ATG7: variants seen among roughly 807,000 people sequenced by gnomAD.
The protein encoded by ATG7 is ubiquitin-like modifier-activating enzyme ATG7.
Under a neutral mutation model 82.4 loss-of-function variants are expected in ATG7, and 70 were observed. The ratio of observed to expected loss-of-function variants is 0.85; its 90% CI spans 0.70 to 1.04. The LOEUF (loss-of-function observed/expected upper bound fraction) is 1.04, where lower values mean the gene tolerates loss of function less well. ATG7 is among the 50% of genes least tolerant of loss of function. The pLI is 0.00. For synonymous variants in ATG7, 287 were observed against 313.0 expected, an observed-to-expected ratio of 0.92 and a Z score of 0.88; for missense variants, 792 against 864.3, an observed-to-expected ratio of 0.92 and a Z score of 1.05.
At chr3:11,442,739 C>CAAAAAAAAAA (rs57073881) in intron 20 of ATG7, among the ~76,000 whole-genome samples, 3 of 69,250 alleles carry the variant, frequency 4.3e-5, no homozygotes, top group Non-Finnish European at 7.5e-5. Flanking sequence ...TCCATCTCTA[C>CAAAAAAAAAA]AAAAAAAAAA....
chr3:11,368,843 A>C (rs1006886830), intron 18 of ATG7, among the ~76,000 whole-genome samples: 1 of 151,038 alleles, frequency 6.6e-6, no homozygotes, highest in Non-Finnish European at 1.5e-5. Context: ...CAAGCAGTTC[A>C]CATCTTTTGT....
intron 19 of ATG7, among the ~76,000 whole-genome samples, chr3:11,390,654 C>A (rs906667474): frequency 9.6e-5 from 13 of 135,994 alleles, no homozygotes; most frequent in Admixed American, 3.3e-4. Flanking sequence ...AACTTTTTGA[C>A]CTTTGTGGGT....
intron 9 of ATG7, among the ~76,000 whole-genome samples, chr3:11,322,833 T>C (rs1379675257): frequency 6.6e-6 from 1 of 152,256 alleles, no homozygotes; most frequent in East Asian, 1.9e-4. Context: ...GCGTGGTGGC[T>C]CACGCCTGTA....
Position 11,555,166 on chromosome 3 carries a change from G to A in ATG7, c.*323G>A. Reference sequence around the variant, plus strand: ...GATCCTTTCCCCTTGGCCCTGAGGGGGTGACCCAACACAGACCAAATGGGG... The same window carrying A: ...GATCCTTTCCCCTTGGCCCTGAGGGAGTGACCCAACACAGACCAAATGGGG... On this transcript the variant is annotated 3_prime_UTR_variant, in exon 21 of 21. Transcript: ENST00000693202. The A allele has an allele frequency of 2.6e-6, 1 of 378,104 alleles. No homozygotes were observed. Among genetic ancestry groups the A allele is most frequent in the Non-Finnish European group, 4.8e-6 (1 of 209,026 alleles). The allele number at this position is 378,104 out of a possible 1,614,324, so 23.4% of individuals were successfully genotyped here.
intron 1 of ATG7, among the ~76,000 whole-genome samples, chr3:11,277,973 T>A (rs1174419110): frequency 6.9e-6 from 1 of 145,660 alleles, no homozygotes; most frequent in Non-Finnish European, 1.5e-5. Context: ...AATTTAGTGA[T>A]ATCTTCCCTA....
Position 11,363,305 on chromosome 3 carries a change from C to G in ATG7, c.1799+377C>G, listed in dbSNP as rs567035649. ...TTGCCCAGGCTGGAGTGTAATGGCA[C>G]GATTTTGGCTCACTGCAACCTCTGC... On this transcript the variant is annotated intron_variant, in intron 17 of 20. Transcript: ENST00000693202. Among the ~76,000 whole-genome samples, 7 of 151,538 alleles carry G rather than the reference C, an allele frequency of 4.6e-5. No homozygotes were observed. The East Asian group carries it at 1.4e-3, about 29-fold the overall frequency.
chr3:11,554,182 C>T (rs759609451), intron 20 of ATG7, among the ~76,000 whole-genome samples: 4 of 152,242 alleles, frequency 2.6e-5, no homozygotes, highest in African/African-American at 7.2e-5. Context: ...AGGTTCACTG[C>T]GAGGCTCAGA....
chr3:11,534,431 C>A (rs954995511), intron 20 of ATG7, among the ~76,000 whole-genome samples: 13 of 152,252 alleles, frequency 8.5e-5, no homozygotes, highest in African/African-American at 3.1e-4. Flanking sequence ...GTCCTCACAT[C>A]TTCTGCTCAC....
intron 3 of ATG7, among the ~76,000 whole-genome samples, chr3:11,283,932 A>C (rs1262094034): frequency 6.6e-6 from 1 of 152,202 alleles, no homozygotes; most frequent in African/African-American, 2.4e-5. Flanking sequence ...ACTCTGTCTC[A>C]AAGAAAAACA....
intron 11 of ATG7, among the ~76,000 whole-genome samples, chr3:11,338,975 A>AT (rs1214878241): frequency 6.6e-6 from 1 of 152,160 alleles, no homozygotes; most frequent in Admixed American, 6.6e-5. Flanking sequence ...CTTGATAGAA[A>AT]TTCAAAAGTA....
downstream of ATG7, chr3:11,558,691 A>G (rs1212910946): frequency 3.7e-6 from 6 of 1,613,788 alleles, no homozygotes; most frequent in Non-Finnish European, 5.1e-6. Context: ...GCCACGTGTC[A>G]CCCAGAGCTT....
At chr3:11,544,176 G>A (rs2071076067) in intron 20 of ATG7, among the ~76,000 whole-genome samples, 2 of 152,190 alleles carry the variant, frequency 1.3e-5, no homozygotes, top group Admixed American at 1.3e-4. Context: ...GAGTAGGCAG[G>A]GCTAATTCTG....
intron 1 of ATG7, among the ~76,000 whole-genome samples, chr3:11,274,109 G>A (rs1480865576): frequency 6.6e-6 from 1 of 152,028 alleles, no homozygotes; most frequent in Non-Finnish European, 1.5e-5. Flanking sequence ...GCCCTCATGT[G>A]ACATGATTTT....
chr3:11,419,399 C>T (rs1193715566), intron 19 of ATG7, among the ~76,000 whole-genome samples: 1 of 151,988 alleles, frequency 6.6e-6, no homozygotes, highest in African/African-American at 2.4e-5. Context: ...ACTAACAATA[C>T]AAAAATTAGC....
At chr3:11,283,039 T>C (rs1943334029) in intron 3 of ATG7, among the ~76,000 whole-genome samples, 1 of 152,214 alleles carries the variant, frequency 6.6e-6, no homozygotes, top group South Asian at 2.1e-4. Context: ...GAGAAGGCAC[T>C]TCAGGGCCAA....
chr3:11,351,639 T>C (rs558911076), intron 14 of ATG7, among the ~76,000 whole-genome samples: 2 of 152,362 alleles, frequency 1.3e-5, no homozygotes, highest in South Asian at 2.1e-4. Context: ...TACTCTGTTT[T>C]CCCTGTTGGA....
At chr3:11,480,562 C>T (rs1423536051) in intron 20 of ATG7, among the ~76,000 whole-genome samples, 2 of 151,868 alleles carry the variant, frequency 1.3e-5, no homozygotes, top group Non-Finnish European at 2.9e-5. Context: ...AGTATGAGAC[C>T]CTGTTTCAAG....
intron 20 of ATG7, among the ~76,000 whole-genome samples, chr3:11,433,879 A>C (rs1244717325): frequency 1.3e-5 from 2 of 152,226 alleles, no homozygotes; most frequent in African/African-American, 4.8e-5. Context: ...CAACCATAAC[A>C]TAGGCTATAA....
intron 20 of ATG7, among the ~76,000 whole-genome samples, chr3:11,462,839 ATTTTTATT>A (rs1463282848): frequency 7.2e-6 from 1 of 138,934 alleles, no homozygotes; most frequent in Non-Finnish European, 1.5e-5. Flanking sequence ...CCTCTCAGAT[ATTTTTATT>A]TATTTATTTA....
Sources: gnomAD v4.1 joint callset for allele counts (sites outside exome capture counted in the v4.1 genomes callset) on GRCh38, gnomAD v4.1.1 for gene constraint, MANE v1.5 for transcripts, NCBI Gene and HGNC (gene_info 2026-07-23, HGNC 2026-07-21) for gene names.